The following CBL variants were observed in gnomAD, a reference collection of about 807,000 sequenced individuals.
CBL encodes the protein Cbl proto-oncogene.
In CBL, 45 loss-of-function variants were observed where a neutral mutation model predicts 96.9. The ratio of observed to expected loss-of-function variants is 0.46; its 90% CI spans 0.37 to 0.60. The LOEUF (loss-of-function observed/expected upper bound fraction) is 0.60, where lower values mean the gene tolerates loss of function less well. CBL is among the 20% of genes least tolerant of loss of function. The pLI, the probability that CBL is intolerant of heterozygous loss-of-function variation, is 0.00. For missense variants in CBL, 1,024 were observed against 1,143.5 expected (o/e 0.90, Z 1.51); for synonymous variants, 420 against 426.8 (o/e 0.98, Z 0.20).
intron 1 of CBL, among the ~76,000 whole-genome samples, chr11:119,230,526 A>C (rs961853603): frequency 8.5e-5 from 13 of 152,236 alleles, no homozygotes; most frequent in African/African-American, 3.1e-4. Flanking sequence ...GTTTTGAACC[A>C]AATATACTGC....
At chr11:119,227,334 C>T (rs1046179951) in intron 1 of CBL, among the ~76,000 whole-genome samples, 1 of 152,076 alleles carries the variant, frequency 6.6e-6, no homozygotes, top group Non-Finnish European at 1.5e-5. Flanking sequence ...ATGATACCTT[C>T]AACTTAGGAT....
intron 2 of CBL, among the ~76,000 whole-genome samples, chr11:119,266,032 AAAAG>A (rs1174381765): frequency 8.4e-4 from 125 of 148,858 alleles, no homozygotes; most frequent in Middle Eastern, 6.9e-3. Context: ...AAAAAAAAAA[AAAAG>A]AAAGAAAGAA....
intron 2 of CBL, among the ~76,000 whole-genome samples, chr11:119,255,902 T>C (rs184520323): frequency 1.4e-5 from 2 of 144,998 alleles, no homozygotes; most frequent in Non-Finnish European, 3.0e-5. Context: ...ATTTATACTT[T>C]AAAAAAAAAA....
At chr11:119,298,334 A>G (rs759516803) in intron 14 of CBL, 24 bp from the exon 15 acceptor site, 9 of 1,608,984 alleles carry the variant, frequency 5.6e-6, no homozygotes, top group Non-Finnish European at 6.8e-6. Context: ...TCAGAAGAAG[A>G]TAACATCACT....
Position 119,285,087 on chromosome 11 carries a change from G to C in CBL, c.1550G>C (p.Gly517Ala). 2 of 1,614,100 alleles carry C rather than the reference G, an allele frequency of 1.2e-6. No individual in the cohort carries two copies. The highest frequency in any genetic ancestry group is 2.7e-5 in the African/African-American group (2 of 74,992). The change falls in exon 10 of 16, where the codon GGA (glycine) becomes GCA (alanine). Residue 517 changes from glycine (G) to alanine (A), a missense_variant. Transcript: ENST00000264033. Reference protein sequence around the residue: ...VCVPSSASALGTASKAASGSL... With the variant: ...VCVPSSASALATASKAASGSL... ...GTTCCCTCAAGTGCTTCTGCTCTTG[G>C]AACTGCTTCTAAGGTAAAGCATTTT...
At chr11:119,232,363 A>G (rs1387700534) in intron 1 of CBL, 85 bp from the exon 2 acceptor site, 9 of 1,457,736 alleles carry the variant, frequency 6.2e-6, no homozygotes, top group African/African-American at 2.8e-5. Flanking sequence ...AAAAGAGCAC[A>G]TATTTCATAA....
At chr11:119,212,550 C>T (rs1453765651) in intron 1 of CBL, among the ~76,000 whole-genome samples, 5 of 151,880 alleles carry the variant, frequency 3.3e-5, no homozygotes, top group South Asian at 2.1e-4. Flanking sequence ...CCCTTGAACC[C>T]GGGAAGCGGA....
chr11:119,226,348 A>G (rs1592374674), intron 1 of CBL, among the ~76,000 whole-genome samples: 1 of 152,176 alleles, frequency 6.6e-6, no homozygotes, highest in Non-Finnish European at 1.5e-5. Context: ...GGGAGCTAAC[A>G]TTTATTGAAT....
At chr11:119,261,763 TGAAATACAGA>T (rs1949756114) in intron 2 of CBL, among the ~76,000 whole-genome samples, 1 of 152,226 alleles carries the variant, frequency 6.6e-6, no homozygotes, top group Non-Finnish European at 1.5e-5. Flanking sequence ...AAAGTTATTT[TGAAATACAGA>T]GAAATCTGAT....
intron 1 of CBL, among the ~76,000 whole-genome samples, chr11:119,223,025 A>G (rs1199339684): frequency 6.6e-6 from 1 of 151,756 alleles, no homozygotes; most frequent in African/African-American, 2.4e-5. Flanking sequence ...AAAATAGTTT[A>G]AAAAATTATC....
At chr11:119,244,421 ATT>A (rs10717493) in intron 2 of CBL, among the ~76,000 whole-genome samples, 40,978 of 146,302 alleles carry the variant, frequency 0.28, 5,949 homozygotes, top group South Asian at 0.58. Flanking sequence ...TTTTTAATTA[ATT>A]TTTTTTTTTT....
intron 12 of CBL, among the ~76,000 whole-genome samples, chr11:119,293,583 C>A (rs1437218646): frequency 6.6e-6 from 1 of 152,060 alleles, no homozygotes; most frequent in African/African-American, 2.4e-5. Context: ...TTTGTAATAG[C>A]TCTAGGGAAA....
chr11:119,266,192 T>C (rs895600638), intron 2 of CBL, among the ~76,000 whole-genome samples: 1 of 152,098 alleles, frequency 6.6e-6, no homozygotes, highest in Non-Finnish European at 1.5e-5. Context: ...AGTTAATTTA[T>C]CTCCTCATAC....
intron 1 of CBL, among the ~76,000 whole-genome samples, chr11:119,213,975 G>A (rs754951689): frequency 1.3e-5 from 2 of 149,168 alleles, no homozygotes; most frequent in African/African-American, 5.0e-5. Flanking sequence ...ACGGAGTCTC[G>A]CTCTTTTGCC....
chr11:119,276,312 G>A (rs1004070836), intron 6 of CBL, among the ~76,000 whole-genome samples, 178 bp downstream of exon 6: 1 of 152,140 alleles, frequency 6.6e-6, no homozygotes, highest in African/African-American at 2.4e-5. Flanking sequence ...CTTTTTTAGG[G>A]ATTCCATGAG....
intron 2 of CBL, among the ~76,000 whole-genome samples, chr11:119,242,849 A>T (rs1176814571): frequency 6.6e-6 from 1 of 151,510 alleles, no homozygotes; most frequent in East Asian, 1.9e-4. Flanking sequence ...TTACTTTTTT[A>T]AAAAAATTTT....
At position 119,307,437 on chromosome 11, in the gene CBL, C is replaced by A. The variant is rs192361024; in HGVS notation, c.*7656C>A. 2 of 230,410 alleles carry A rather than the reference C, an allele frequency of 8.7e-6. No individual in the cohort carries two copies. Among genetic ancestry groups the A allele is most frequent in the Non-Finnish European group, 1.7e-5 (2 of 115,976 alleles). The allele number at this position is 230,410 out of a possible 1,614,324, so 14.3% of individuals were successfully genotyped here. A position where few individuals can be genotyped will look rare whatever the true frequency, so the allele number is the denominator to read the frequency against. ...AACTGGTCTAGACCTCCTGCCCCCA[C>A]CCCCCAGCCCCCATCAGATGTGGCT... On this transcript the variant is annotated 3_prime_UTR_variant, in exon 16 of 16. Coordinates refer to ENST00000264033, the MANE Select transcript of CBL (RefSeq NM_005188.4).
Position 119,299,765 on chromosome 11 carries a change from C to G in CBL, c.2705C>G (p.Ala902Gly), listed in dbSNP as rs2135322373. 6.2e-7 allele frequency: 1 copy of G among 1,614,106 alleles called. No homozygotes were observed. The highest frequency in any genetic ancestry group is 8.5e-7 in the Non-Finnish European group (1 of 1,180,022). The change falls in exon 16 of 16, where the codon GCC becomes GGC. Residue 902 changes from alanine to glycine, a missense_variant. Ala to Gly is a moderately conservative substitution (Grantham distance 60). Transcript: ENST00000264033. ...GAATTTGTTTCCATTTCTTCTCCTG[C>G]CCATGTAGCTACCTAGCACACCATC... ...LREFVSISSP[A>G]HVAT
In CBL at chr11:119,274,898, T is replaced by C. The variant is rs2135300581; in HGVS notation, c.814T>C (p.Leu272=). The change falls in exon 5 of 16, where the codon TTG becomes CTG. Residue 272 remains leucine (L), a synonymous_variant. Coordinates refer to ENST00000264033, the MANE Select transcript of CBL (RefSeq NM_005188.4). ...AACTCATCCTGGCTACATGGCTTTT[T>C]TGACGTATGACGAAGTGAAAGCTCG... ...AVTHPGYMAF[L]TYDEVKARLQ... 6.2e-7 allele frequency: 1 copy of C among 1,614,176 alleles called. No individual in the cohort carries two copies. The highest frequency in any genetic ancestry group is 8.5e-7 in the Non-Finnish European group (1 of 1,179,996).
Sources: gnomAD v4.1 joint callset for allele counts (sites outside exome capture counted in the v4.1 genomes callset) on GRCh38, gnomAD v4.1.1 for gene constraint, MANE v1.5 for transcripts, NCBI Gene and HGNC (gene_info 2026-07-23, HGNC 2026-07-21) for gene names.